TGS1: variants seen among roughly 807,000 people sequenced by gnomAD.
TGS1 encodes the protein trimethylguanosine synthase.
A neutral mutation model predicts 92.2 loss-of-function variants in TGS1; 69 were observed. The observed-to-expected ratio is 0.75, with a 90% confidence interval of 0.62 to 0.91. The LOEUF (loss-of-function observed/expected upper bound fraction) is 0.91, where lower values mean the gene tolerates loss of function less well. Ranked by LOEUF, TGS1 falls within the 40% of genes least tolerant of loss-of-function variation. The pLI is 0.00. For synonymous variants in TGS1, 345 were observed against 338.1 expected (o/e 1.02, Z -0.22); for missense variants, 1,062 against 1,001.2 (o/e 1.06, Z -0.82).
chr8:55,798,938 A>G lies in TGS1; in HGVS notation c.1567A>G (p.Asn523Asp), dbSNP rs1343212158. 1.9e-6 allele frequency: 3 copies of G among 1,609,408 alleles called. No homozygotes were observed. Among genetic ancestry groups the G allele is most frequent in the Non-Finnish European group, 2.5e-6 (3 of 1,178,658 alleles). Residue 523 changes from asparagine (N) to aspartate (D), a missense_variant, in exon 8 of 13, where the codon AAT becomes GAT. Asn to Asp is a conservative substitution (Grantham distance 23, BLOSUM62 1). Transcript: ENST00000260129. ...GGTAGAAAAATTCCTCACATGGGTTAATAAACCAATGGATGAAGAAGCATC... is the reference window on the plus strand; with the variant it reads ...GGTAGAAAAATTCCTCACATGGGTTGATAAACCAATGGATGAAGAAGCATC... ...SKVEKFLTWV[N>D]KPMDEEASQE...
chr8:55,809,320 C>T (rs545617349), intron 10 of TGS1, among the ~76,000 whole-genome samples: 7 of 152,294 alleles, frequency 4.6e-5, no homozygotes, highest in Non-Finnish European at 7.3e-5. Context: ...AACAGTACTG[C>T]GTGGTAGAAC....
Position 55,821,642 on chromosome 8 carries a change from G to C in TGS1, c.2440-2939G>C, listed in dbSNP as rs191745484. On this transcript the variant is annotated intron_variant, in intron 12 of 12. Transcript: ENST00000260129. Reference sequence around the variant, plus strand: ...TAATCCCAGCACTTTGGGAGGCCGAGGTGGGTGGATCACGAGGTCAGGAGA... The same window carrying C: ...TAATCCCAGCACTTTGGGAGGCCGACGTGGGTGGATCACGAGGTCAGGAGA... Among the ~76,000 whole-genome samples the C allele has an allele frequency of 6.3e-3, 965 of 152,234 alleles. 10 individuals carry two copies. The highest frequency in any genetic ancestry group is 6.5e-3 in the Non-Finnish European group (439 of 68,016).
intron 7 of TGS1, among the ~76,000 whole-genome samples, chr8:55,798,210 T>C (rs901520195): frequency 6.6e-6 from 1 of 152,238 alleles, no homozygotes; most frequent in African/African-American, 2.4e-5. Flanking sequence ...TTGTTGCCCA[T>C]CATGTCTACC....
intron 2 of TGS1, among the ~76,000 whole-genome samples, chr8:55,783,028 C>G (rs544588503): frequency 6.6e-6 from 1 of 152,156 alleles, no homozygotes; most frequent in Non-Finnish European, 1.5e-5. Context: ...CCTGTGCTGA[C>G]TTAATGTAGC....
intron 6 of TGS1, among the ~76,000 whole-genome samples, chr8:55,793,996 T>G (rs1811968110): frequency 6.6e-6 from 1 of 152,030 alleles, no homozygotes; most frequent in Admixed American, 6.6e-5. Context: ...TTTGCTTTTC[T>G]CCCTCAACAA....
In TGS1 at chr8:55,824,836, A is replaced by T; in HGVS notation, c.*133A>T. 2.0e-6 allele frequency: 2 copies of T among 997,712 alleles called. No homozygotes were observed. The highest frequency in any genetic ancestry group is 2.9e-6 in the Non-Finnish European group (2 of 687,552). 61.8% of individuals were successfully genotyped at this position (997,712 alleles called of 1,614,324 possible). ...ATCACCGTATGAAATGGAAACTTAC[A>T]GGACTTAAATATCAGTGAAATATTT... On this transcript the variant is annotated 3_prime_UTR_variant, in exon 13 of 13. Coordinates refer to ENST00000260129, the MANE Select transcript of TGS1 (RefSeq NM_024831.8).
chr8:55,790,912 C>T (rs1811863157), intron 5 of TGS1, among the ~76,000 whole-genome samples: 2 of 152,144 alleles, frequency 1.3e-5, no homozygotes. Flanking sequence ...ATATATCTGA[C>T]ACTTAGTAGC....
rs144081619 is a variant in TGS1 at position 55,787,028 on chromosome 8, C to T, written c.1130C>T (p.Ser377Leu). 6.4e-5 allele frequency: 103 copies of T among 1,613,452 alleles called. 1 individual carries two copies. Among genetic ancestry groups the T allele is most frequent in the African/African-American group, 4.5e-4 (34 of 75,020 alleles). ...NGGTNEESNS[S>L]GNTNTDPPAE... is the part of the protein sequence containing the mutation. Reference sequence around the variant, plus strand: ...GGAACCAATGAGGAAAGCAACTCATCGGGGAATACAAACACAGACCCACCA... The same window carrying T: ...GGAACCAATGAGGAAAGCAACTCATTGGGGAATACAAACACAGACCCACCA... The change falls in exon 4 of 13, where the codon TCG becomes TTG. Residue 377 changes from serine to leucine, a missense_variant. By Grantham distance (145) the Ser-to-Leu change is moderately radical (BLOSUM62 -2). Coordinates refer to ENST00000260129, the MANE Select transcript of TGS1 (RefSeq NM_024831.8).
At chr8:55,776,903 G>C (rs919443847) in intron 1 of TGS1, among the ~76,000 whole-genome samples, 3 of 151,994 alleles carry the variant, frequency 2.0e-5, no homozygotes, top group Non-Finnish European at 2.9e-5. Flanking sequence ...GTCTGGTCCA[G>C]TTTTAACAAG....
At chr8:55,820,047 A>T (rs1423174848) in intron 12 of TGS1, among the ~76,000 whole-genome samples, 1 of 152,158 alleles carries the variant, frequency 6.6e-6, no homozygotes, top group African/African-American at 2.4e-5. Flanking sequence ...TCTTCTAACC[A>T]CATTTCTGCG....
rs1227138258 is a variant in TGS1, at chr8:55,804,727, TA to T, written c.2000-164del. ...AAATTGGGAATGGTACTGCTTTTTATAACAAGCTTTGAATTTTTTTCTTTAA... is the reference window on the plus strand; with the variant it reads ...AAATTGGGAATGGTACTGCTTTTTATACAAGCTTTGAATTTTTTTCTTTAA... On this transcript the variant is annotated intron_variant, in intron 9 of 12. Transcript: ENST00000260129. 2.0e-5 allele frequency among the ~76,000 whole-genome samples: 3 copies of T among 152,336 alleles called. No individual in the cohort carries two copies. The East Asian group carries it at 5.8e-4, about 29-fold the overall frequency.
chr8:55,808,247 T>G (rs1803234124), intron 10 of TGS1, among the ~76,000 whole-genome samples: 1 of 152,182 alleles, frequency 6.6e-6, no homozygotes, highest in African/African-American at 2.4e-5. Flanking sequence ...TTATTTTCCT[T>G]TTTCCTTGAA....
At chr8:55,809,451 G>A (rs1330408676) in intron 10 of TGS1, among the ~76,000 whole-genome samples, 1 of 125,460 alleles carries the variant, frequency 8.0e-6, no homozygotes, top group Non-Finnish European at 1.7e-5. Flanking sequence ...ACATTTGTCA[G>A]CATTTTTTTT....
intron 9 of TGS1, 55 bp downstream of exon 9, chr8:55,802,661 A>G (rs1812252386): frequency 6.6e-7 from 1 of 1,513,380 alleles, no homozygotes; most frequent in African/African-American, 1.4e-5. Context: ...AAACTTAAAA[A>G]GAAAGTTATA....
At chr8:55,786,018 T>C in intron 3 of TGS1, 127 bp downstream of exon 3, 1 of 796,644 alleles carries the variant, frequency 1.3e-6, no homozygotes, top group Non-Finnish European at 1.9e-6. Flanking sequence ...TAAATGTATG[T>C]ATTTATAAAT....
At chr8:55,809,453 AT>A (rs11450515) in intron 10 of TGS1, among the ~76,000 whole-genome samples, 1,624 of 145,610 alleles carry the variant, frequency 0.011, 21 homozygotes, top group African/African-American at 0.034. Context: ...ATTTGTCAGC[AT>A]TTTTTTTTTT....
chr8:55,782,740 C>A lies in TGS1; in HGVS notation c.102-8C>A. ...ATTTCAATATGAACTGCTTAATCTG[C>A]TTCGCAGGGATCGAAAATTGTACAA... On this transcript the variant is annotated splice_polypyrimidine_tract_variant and splice_region_variant and intron_variant, in intron 1 of 12. Coordinates refer to ENST00000260129, the MANE Select transcript of TGS1 (RefSeq NM_024831.8). 1 of 1,606,234 alleles carries A rather than the reference C, an allele frequency of 6.2e-7. No homozygotes were observed. The highest frequency in any genetic ancestry group is 1.3e-5 in the African/African-American group (1 of 74,588).
chr8:55,782,787 C>T lies in TGS1; in HGVS notation c.141C>T (p.Tyr47=), dbSNP rs1315297754. 2 of 1,610,308 alleles carry T rather than the reference C, an allele frequency of 1.2e-6. No individual in the cohort carries two copies. The highest frequency in any genetic ancestry group is 1.7e-6 in the Non-Finnish European group (2 of 1,178,652). The change falls in exon 2 of 13, where the codon TAC becomes TAT. Residue 47 remains tyrosine, a synonymous_variant. Transcript: ENST00000260129. ...ACAATTTGGGATTAAAAGGCTATTACATCAGAGACAGTGGCAACAATTCAG... is the reference window on the plus strand; with the variant it reads ...ACAATTTGGGATTAAAAGGCTATTATATCAGAGACAGTGGCAACAATTCAG... ...KLYNLGLKGY[Y]IRDSGNNSGD...
At chr8:55,775,130 T>G (rs1811352265) in intron 1 of TGS1, among the ~76,000 whole-genome samples, 2 of 151,938 alleles carry the variant, frequency 1.3e-5, no homozygotes, top group Admixed American at 6.6e-5. Flanking sequence ...GGCACATGCT[T>G]GTAGTCCCAG....
Sources: gnomAD v4.1 joint callset for allele counts (sites outside exome capture counted in the v4.1 genomes callset) on GRCh38, gnomAD v4.1.1 for gene constraint, MANE v1.5 for transcripts, NCBI Gene and HGNC (gene_info 2026-07-23, HGNC 2026-07-21) for gene names.